SCGB1C1: variants seen among roughly 807,000 people sequenced by gnomAD.
The protein encoded by SCGB1C1 is ligand binding protein RYD5.
In SCGB1C1, 2 loss-of-function variants were observed where a neutral mutation model predicts 8.9. That is an observed-to-expected ratio of 0.23 (90% CI 0.09 to 0.71). The LOEUF is 0.71. Among genes scored for constraint, SCGB1C1 ranks in the 30% least tolerant of loss-of-function variants. SCGB1C1 has a pLI of 0.78. For synonymous variants in SCGB1C1, 6 were observed against 45.8 expected (o/e 0.13, Z 3.51); for missense variants, 25 against 112.7 (o/e 0.22, Z 3.52).
chr11:190,033 C>T (rs1854765661), upstream of SCGB1C1, among the ~76,000 whole-genome samples: 2 of 150,710 alleles, frequency 1.3e-5, no homozygotes, highest in Admixed American at 6.6e-5. Context: ...ACGACAGGAT[C>T]CTCTTGCTCA....
At chr11:191,602 G>C (rs1190726278), upstream of SCGB1C1, among the ~76,000 whole-genome samples, 1 of 150,256 alleles carries the variant, frequency 6.7e-6, no homozygotes, top group Non-Finnish European at 1.5e-5. Context: ...CACCAAAGAA[G>C]ATCTACAGAT....
upstream of SCGB1C1, among the ~76,000 whole-genome samples, chr11:189,515 G>A (rs1198622464): frequency 7.5e-6 from 1 of 133,668 alleles, no homozygotes; most frequent in African/African-American, 2.6e-5. Flanking sequence ...GAGGCGCGGC[G>A]CAGGCGCAGA....
upstream of SCGB1C1, among the ~76,000 whole-genome samples, chr11:190,446 G>C (rs1854779027): frequency 6.6e-6 from 1 of 151,272 alleles, no homozygotes; most frequent in Non-Finnish European, 1.5e-5. Flanking sequence ...GCAATACAAA[G>C]ATGGCAGATA....
chr11:192,316 A>G (rs1854827589), upstream of SCGB1C1, among the ~76,000 whole-genome samples: 1 of 151,994 alleles, frequency 6.6e-6, no homozygotes, highest in Non-Finnish European at 1.5e-5. Context: ...GTCCATTGTA[A>G]TATGTCCTGG....
upstream of SCGB1C1, among the ~76,000 whole-genome samples, chr11:190,295 C>G (rs375101708): frequency 9.6e-3 from 1,308 of 136,582 alleles, no homozygotes; most frequent in South Asian, 0.024. Context: ...CCCGGTGTGA[C>G]GGCCTCCTGC....
chr11:189,382 T>C (rs1171939405), upstream of SCGB1C1, among the ~76,000 whole-genome samples: 1 of 152,296 alleles, frequency 6.6e-6, no homozygotes, highest in Non-Finnish European at 1.5e-5. Flanking sequence ...GTCATGGTCG[T>C]GTCCTTAATC....
chr11:192,684 A>T (rs1423839003), upstream of SCGB1C1, among the ~76,000 whole-genome samples: 2 of 150,970 alleles, frequency 1.3e-5, no homozygotes, highest in Non-Finnish European at 2.9e-5. Context: ...GCAGACCCAG[A>T]TCACACAGCA....
upstream of SCGB1C1, among the ~76,000 whole-genome samples, chr11:192,320 G>A (rs1237391693): frequency 1.3e-5 from 2 of 151,986 alleles, no homozygotes; most frequent in Non-Finnish European, 2.9e-5. Context: ...ATTGTAATAT[G>A]TCCTGGGACC....
chr11:193,735 G>A lies in SCGB1C1; in HGVS notation c.79G>A (p.Asp27Asn), dbSNP rs200498989. ...ICRMATGEDN[D>N]EFFMDFLQTL... ...AGGGATGGCCACAGGGGAGGACAACGATGAGTTTTTCATGGACTTCCTGCA... is the reference window on the plus strand; with the variant it reads ...AGGGATGGCCACAGGGGAGGACAACAATGAGTTTTTCATGGACTTCCTGCA... Residue 27 changes from aspartate to asparagine, a missense_variant, in exon 2 of 3, where the codon GAT (aspartate) becomes AAT (asparagine). Coordinates refer to ENST00000342878, the MANE Select transcript of SCGB1C1 (RefSeq NM_145651.3). The A allele has an allele frequency of 2.9e-5, 46 of 1,613,652 alleles. No homozygotes were observed. The Admixed American group carries it at 3.5e-4, about 12-fold the overall frequency.
At chr11:189,503 G>A (rs1173918866), upstream of SCGB1C1, among the ~76,000 whole-genome samples, 163 of 148,480 alleles carry the variant, frequency 1.1e-3, no homozygotes, top group Non-Finnish European at 2.0e-3. Flanking sequence ...GGGGGGCGGG[G>A]GGAGGCGCGG....
upstream of SCGB1C1, among the ~76,000 whole-genome samples, chr11:190,249 TGCG>T (rs1854774023): frequency 3.4e-5 from 5 of 149,186 alleles, no homozygotes; most frequent in Admixed American, 6.7e-5. Context: ...GCACGCCACC[TGCG>T]GGCAGATGGG....
upstream of SCGB1C1, among the ~76,000 whole-genome samples, chr11:188,430 G>C (rs201958552): frequency 1.3e-4 from 20 of 151,888 alleles, no homozygotes; most frequent in East Asian, 3.9e-3. Context: ...AAGCTAAAAA[G>C]TATATTTTAA....
upstream of SCGB1C1, among the ~76,000 whole-genome samples, chr11:192,270 T>C (rs1439754145): frequency 7.3e-5 from 11 of 151,554 alleles, no homozygotes; most frequent in South Asian, 2.1e-3. Context: ...CTTGGCATGG[T>C]TTTGTTTGGT....
At chr11:191,166 AAT>A (rs1196435595), upstream of SCGB1C1, among the ~76,000 whole-genome samples, 1 of 21,420 alleles carries the variant, frequency 4.7e-5, no homozygotes, top group Admixed American at 4.3e-4. Flanking sequence ...CTTTCCCAAA[AAT>A]AGTGAGGGAA....
At chr11:193,396 G>A (rs1332566012) in intron 1 of SCGB1C1, among the ~76,000 whole-genome samples, 1 of 151,294 alleles carries the variant, frequency 6.6e-6, no homozygotes, top group African/African-American at 2.4e-5. Context: ...AGCCTGACCT[G>A]ACCCTTCAAG....
chr11:194,331 C>A (rs1108819), intron 2 of SCGB1C1, 87 bp from the exon 3 acceptor site: 60,862 of 1,183,678 alleles, frequency 0.051, 1,424 homozygotes, highest in East Asian at 0.11. Context: ...AGACCCCCCC[C>A]CACTGAGGGC....
chr11:189,813 C>T (rs1590061190), upstream of SCGB1C1, among the ~76,000 whole-genome samples: 1 of 152,304 alleles, frequency 6.6e-6, no homozygotes, highest in East Asian at 1.9e-4. Flanking sequence ...ACAGTGGTGG[C>T]CAGCGCCCCC....
upstream of SCGB1C1, among the ~76,000 whole-genome samples, chr11:191,765 C>T (rs1261015204): frequency 6.6e-6 from 1 of 152,308 alleles, no homozygotes; most frequent in Non-Finnish European, 1.5e-5. Flanking sequence ...GCCAGTGGAA[C>T]ACAGCGTATA....
At chr11:191,862 C>CCCTAA (rs1661059543), upstream of SCGB1C1, among the ~76,000 whole-genome samples, 1 of 27,350 alleles carries the variant, frequency 3.7e-5, no homozygotes, top group African/African-American at 1.2e-4. Flanking sequence ...TAACCCCTAA[C>CCCTAA]CCCTAACCCT....
Sources: allele counts gnomAD v4.1 joint callset (sites outside exome capture counted in the v4.1 genomes callset), GRCh38; gene constraint gnomAD v4.1.1; transcripts MANE v1.5; gene names NCBI Gene and HGNC (gene_info 2026-07-23, HGNC 2026-07-21).